Variants in HACD2 observed in about 807,000 individuals in gnomAD.
HACD2 encodes 3-hydroxyacyl-CoA dehydratase 2.
Under a neutral mutation model 31.0 loss-of-function variants are expected in HACD2, and 15 were observed. That is an observed-to-expected ratio of 0.48 (90% confidence interval 0.32 to 0.75). HACD2 has a LOEUF of 0.75. Among genes scored for constraint, HACD2 ranks in the 30% least tolerant of loss-of-function variants. HACD2 has a pLI of 0.03. For missense variants in HACD2, 283 were observed against 313.0 expected, an observed-to-expected ratio of 0.90 and a Z score of 0.72; for synonymous variants, 115 against 122.2, an observed-to-expected ratio of 0.94 and a Z score of 0.39.
intron 4 of HACD2, chr3:123,502,970 T>G (rs1247992180): frequency 6.3e-6 from 2 of 318,322 alleles, no homozygotes; most frequent in East Asian, 1.2e-4. Context: ...GCCAGCCTCA[T>G]GCGGAGAATG....
intron 2 of HACD2, among the ~76,000 whole-genome samples, chr3:123,575,426 T>A (rs1448994275): frequency 6.6e-6 from 1 of 152,092 alleles, no homozygotes; most frequent in African/African-American, 2.4e-5. Flanking sequence ...CAAAAGTAAA[T>A]AAAATTAAAA....
At chr3:123,552,162 T>C (rs903147931) in intron 3 of HACD2, among the ~76,000 whole-genome samples, 2 of 152,054 alleles carry the variant, frequency 1.3e-5, no homozygotes, top group African/African-American at 4.8e-5. Context: ...ACCCTAATTA[T>C]AAAAACACTG....
rs1456082807 is a variant in HACD2 at position 123,537,656 on chromosome 3, AATG to A, written c.293-9185_293-9183del. ...TTTTTTTTTGATGAATAATGTTTTT[AATG>A]AAAAATGTCTTTTTCATGATAGTAT... On this transcript the variant is annotated intron_variant, in intron 3 of 6. Transcript: ENST00000383657. 1.1e-3 allele frequency among the ~76,000 whole-genome samples: 165 copies of A among 152,132 alleles called. 1 individual carries two copies. The highest frequency in any genetic ancestry group is 1.6e-3 in the Non-Finnish European group (112 of 68,004).
At chr3:123,537,905 A>G (rs959009875) in intron 3 of HACD2, among the ~76,000 whole-genome samples, 8 of 152,242 alleles carry the variant, frequency 5.3e-5, no homozygotes, top group Non-Finnish European at 2.9e-5. Context: ...TTAACAATAA[A>G]TTAAACTTTT....
At chr3:123,525,445 T>C (rs2056268960) in intron 4 of HACD2, among the ~76,000 whole-genome samples, 1 of 152,208 alleles carries the variant, frequency 6.6e-6, no homozygotes, top group Admixed American at 6.5e-5. Flanking sequence ...CGTGATGACA[T>C]TTATGTGACT....
chr3:123,495,117 G>A, intron 6 of HACD2, 147 bp from the exon 7 acceptor site: 1 of 609,648 alleles, frequency 1.6e-6, no homozygotes, highest in Non-Finnish European at 2.9e-6. Context: ...CTTGGGGAAA[G>A]GAAGAAAAAA....
chr3:123,506,965 A>G (rs569728822), intron 4 of HACD2, among the ~76,000 whole-genome samples: 1 of 152,352 alleles, frequency 6.6e-6, no homozygotes, highest in Admixed American at 6.5e-5. Flanking sequence ...TTAATTATCA[A>G]GAATAAGAGG....
At chr3:123,568,905 G>C (rs1292470309) in intron 2 of HACD2, among the ~76,000 whole-genome samples, 3 of 152,146 alleles carry the variant, frequency 2.0e-5, no homozygotes, top group African/African-American at 7.2e-5. Context: ...AACTTGCCCA[G>C]GGCAGTAAAT....
chr3:123,558,806 A>C (rs995028609), intron 3 of HACD2, among the ~76,000 whole-genome samples: 1 of 152,194 alleles, frequency 6.6e-6, no homozygotes, highest in Non-Finnish European at 1.5e-5. Flanking sequence ...TTGGTTCAAC[A>C]GGATTTACTC....
chr3:123,554,660 C>T (rs1344541151), intron 3 of HACD2, among the ~76,000 whole-genome samples: 1 of 152,044 alleles, frequency 6.6e-6, no homozygotes, highest in Non-Finnish European at 1.5e-5. Flanking sequence ...CTTAACTCAC[C>T]TATTATATGA....
At chr3:123,568,170 G>C (rs963763531) in intron 2 of HACD2, among the ~76,000 whole-genome samples, 2 of 152,192 alleles carry the variant, frequency 1.3e-5, no homozygotes, top group Non-Finnish European at 2.9e-5. Context: ...GGGGTGAGAA[G>C]GGCCTTTGTT....
rs2055913870 is a variant in HACD2 at position 123,502,432 on chromosome 3, A to C, written c.503+128T>G. On this transcript the variant is annotated intron_variant, in intron 5 of 6. Coordinates refer to ENST00000383657, the MANE Select transcript of HACD2 (RefSeq NM_198402.5). ...AGACTCCTATTCTGATGAAATCTAC[A>C]GACAAAATTTCTACCCAACCCGTCT... 3 of 905,038 alleles carry C rather than the reference A, an allele frequency of 3.3e-6. No individual in the cohort carries two copies. The South Asian group carries it at 5.3e-5, about 16-fold the overall frequency. 56.1% of individuals were successfully genotyped at this position (905,038 alleles called of 1,614,324 possible). A position where few individuals can be genotyped will look rare whatever the true frequency, so the allele number is the denominator to read the frequency against.
chr3:123,494,000 T>C lies in HACD2; in HGVS notation c.*888A>G, dbSNP rs1382423012. The C allele has an allele frequency of 6.6e-6, 1 of 152,268 alleles. No individual in the cohort carries two copies. Among genetic ancestry groups the C allele is most frequent in the African/African-American group, 2.4e-5 (1 of 41,464 alleles). 9.4% of individuals were successfully genotyped at this position (152,268 alleles called of 1,614,324 possible). A position where few individuals can be genotyped will look rare whatever the true frequency, so the allele number is the denominator to read the frequency against. ...TTCACTAACACAGCCTCCTTTCCTA[T>C]GTGACTGGATCCGCTTCTTCAGGGC... On this transcript the variant is annotated 3_prime_UTR_variant, in exon 7 of 7. Transcript: ENST00000383657.
chr3:123,510,479 C>T (rs1290606264), intron 4 of HACD2, among the ~76,000 whole-genome samples: 2 of 152,182 alleles, frequency 1.3e-5, no homozygotes, highest in Non-Finnish European at 2.9e-5. Context: ...AACTCCTGAC[C>T]TCACATGATC....
chr3:123,499,407 C>G (rs2055875908), intron 6 of HACD2: 1 of 244,448 alleles, frequency 4.1e-6, no homozygotes, highest in Admixed American at 4.7e-5. Flanking sequence ...CGCTATGATT[C>G]CAGCACTAGA....
At chr3:123,514,221 G>C (rs1168837275) in intron 4 of HACD2, among the ~76,000 whole-genome samples, 1 of 152,140 alleles carries the variant, frequency 6.6e-6, no homozygotes, top group Non-Finnish European at 1.5e-5. Flanking sequence ...GTTGCAGTGA[G>C]CCAAGATCTC....
intron 4 of HACD2, among the ~76,000 whole-genome samples, chr3:123,505,275 T>C (rs1009607620): frequency 3.3e-5 from 5 of 152,162 alleles, no homozygotes; most frequent in Admixed American, 6.5e-5. Flanking sequence ...TAGAGAATTA[T>C]TGTTTAATTG....
chr3:123,570,690 C>T (rs566424933), intron 2 of HACD2, among the ~76,000 whole-genome samples: 18 of 152,044 alleles, frequency 1.2e-4, no homozygotes, highest in Non-Finnish European at 1.8e-4. Flanking sequence ...TATCCTTCTG[C>T]TTTGAAATCC....
intron 5 of HACD2, 143 bp from the exon 6 acceptor site, chr3:123,500,836 G>T: frequency 2.0e-6 from 1 of 493,404 alleles, no homozygotes. Context: ...TCAAATTCAG[G>T]TTTTACAAGC....
Sources: gnomAD v4.1 joint callset for allele counts (sites outside exome capture counted in the v4.1 genomes callset) on GRCh38, gnomAD v4.1.1 for gene constraint, MANE v1.5 for transcripts, NCBI Gene and HGNC (gene_info 2026-07-23, HGNC 2026-07-21) for gene names.